AGMO: variants seen among roughly 807,000 people sequenced by gnomAD.
AGMO encodes the protein glyceryl-ether monooxygenase.
AGMO carries 75 observed loss-of-function variants against 60.2 expected under a neutral mutation model. The observed-to-expected ratio is 1.25, with a 90% CI of 1.03 to 1.51. AGMO has a LOEUF of 1.51. AGMO is among the 40% of genes most tolerant of loss of function. The pLI is 0.00. For missense variants in AGMO, 763 were observed against 525.5 expected, an observed-to-expected ratio of 1.45 and a Z score of -4.42; for synonymous variants, 261 against 177.1, an observed-to-expected ratio of 1.47 and a Z score of -3.76.
At chr7:15,411,637 A>C (rs1780612720) in intron 5 of AGMO, among the ~76,000 whole-genome samples, 1 of 152,068 alleles carries the variant, frequency 6.6e-6, no homozygotes, top group Non-Finnish European at 1.5e-5. Context: ...CCTTTACACA[A>C]AATAAATATT....
At chr7:15,381,387 G>C (rs967067226) in intron 10 of AGMO, among the ~76,000 whole-genome samples, 1 of 151,340 alleles carries the variant, frequency 6.6e-6, no homozygotes, top group Non-Finnish European at 1.5e-5. Flanking sequence ...CCTTTCAAAA[G>C]AAGACATACA....
chr7:15,234,551 T>C (rs138466076), intron 12 of AGMO, among the ~76,000 whole-genome samples: 1,615 of 152,314 alleles, frequency 0.011, 39 homozygotes, highest in African/African-American at 0.038. Flanking sequence ...GTTTTGTTTT[T>C]GTGTTTTTCT....
the AGMO span, among the ~76,000 whole-genome samples, chr7:15,156,504 G>C: frequency 6.6e-6 from 1 of 152,172 alleles, no homozygotes; most frequent in African/African-American, 2.4e-5. Flanking sequence ...ATGCAGGCTG[G>C]AGTTCTGTCT....
intron 3 of AGMO, among the ~76,000 whole-genome samples, chr7:15,523,185 G>C (rs1346687495): frequency 6.6e-6 from 1 of 151,568 alleles, no homozygotes; most frequent in Non-Finnish European, 1.5e-5. Flanking sequence ...TTAAAAAACA[G>C]ATGCTGGAGA....
chr7:15,412,842 A>G (rs1433188755), intron 5 of AGMO, among the ~76,000 whole-genome samples: 1 of 152,196 alleles, frequency 6.6e-6, no homozygotes, highest in Admixed American at 6.6e-5. Context: ...TAGTTAGCCA[A>G]TTATTTCACC....
intron 12 of AGMO, among the ~76,000 whole-genome samples, chr7:15,247,251 T>C (rs1782767844): frequency 6.6e-6 from 1 of 151,796 alleles, no homozygotes; most frequent in Non-Finnish European, 1.5e-5. Flanking sequence ...AAAATGCAAA[T>C]AATTATATGT....
At chr7:15,528,555 T>C (rs1784185872) in intron 3 of AGMO, among the ~76,000 whole-genome samples, 1 of 152,126 alleles carries the variant, frequency 6.6e-6, no homozygotes, top group Non-Finnish European at 1.5e-5. Flanking sequence ...AGTCTGAAAC[T>C]GACATCCAGT....
chr7:15,414,948 G>A (rs1232374633), intron 5 of AGMO, among the ~76,000 whole-genome samples: 1 of 151,948 alleles, frequency 6.6e-6, no homozygotes, highest in East Asian at 1.9e-4. Context: ...AAGAAATCTG[G>A]CATCTTGATT....
chr7:15,456,513 T>A (rs906317130), intron 3 of AGMO, among the ~76,000 whole-genome samples: 31 of 152,290 alleles, frequency 2.0e-4, no homozygotes, highest in Admixed American at 1.7e-3. Context: ...AGGTTACTTC[T>A]CTTGCCCTCA....
At chr7:15,281,209 G>A (rs1012282782) in intron 12 of AGMO, among the ~76,000 whole-genome samples, 1 of 152,050 alleles carries the variant, frequency 6.6e-6, no homozygotes, top group African/African-American at 2.4e-5. Context: ...GCTCAGCAAG[G>A]AAAGTCTGTA....
intron 5 of AGMO, among the ~76,000 whole-genome samples, chr7:15,407,008 CAT>C (rs1000426340): frequency 3.6e-5 from 5 of 138,636 alleles, no homozygotes; most frequent in Admixed American, 2.9e-4. Flanking sequence ...ATGGAATATA[CAT>C]ATATATGTGT....
chr7:15,447,068 T>C (rs553332898), intron 3 of AGMO, among the ~76,000 whole-genome samples: 3 of 152,232 alleles, frequency 2.0e-5, no homozygotes, highest in Non-Finnish European at 2.9e-5. Context: ...ATGAATATTG[T>C]AGCTGAAAGG....
At chr7:15,251,347 T>C (rs1057057103) in intron 12 of AGMO, among the ~76,000 whole-genome samples, 5 of 152,176 alleles carry the variant, frequency 3.3e-5, no homozygotes, top group Non-Finnish European at 7.3e-5. Flanking sequence ...AAGTAAAAAC[T>C]GTCCTGGGAA....
chr7:15,538,981 G>T (rs1438196223), intron 3 of AGMO, among the ~76,000 whole-genome samples: 1 of 152,088 alleles, frequency 6.6e-6, no homozygotes, highest in African/African-American at 2.4e-5. Flanking sequence ...GGATATTATG[G>T]ATTGCTTATT....
At chr7:15,425,614 AT>A (rs970058707) in intron 4 of AGMO, among the ~76,000 whole-genome samples, 3 of 151,668 alleles carry the variant, frequency 2.0e-5, no homozygotes, top group African/African-American at 7.3e-5. Context: ...AATTTATTTT[AT>A]TTTTTGTAGA....
intron 12 of AGMO, among the ~76,000 whole-genome samples, chr7:15,345,383 C>T (rs934308695): frequency 5.3e-5 from 8 of 152,166 alleles, no homozygotes; most frequent in African/African-American, 1.9e-4. Flanking sequence ...CTCCCTCATA[C>T]CCTTCAGTTG....
intron 12 of AGMO, among the ~76,000 whole-genome samples, chr7:15,362,026 G>C (rs924383914): frequency 6.6e-6 from 1 of 152,094 alleles, no homozygotes; most frequent in African/African-American, 2.4e-5. Context: ...AAAATGAAGA[G>C]AATATAGTGT....
intron 10 of AGMO, among the ~76,000 whole-genome samples, chr7:15,374,381 T>C (rs375444466): frequency 2.0e-5 from 3 of 152,094 alleles, no homozygotes; most frequent in South Asian, 2.1e-4. Context: ...TAAAAAAGTA[T>C]AATTAACATA....
chr7:15,295,443 T>C (rs923320780), intron 12 of AGMO, among the ~76,000 whole-genome samples: 1 of 152,050 alleles, frequency 6.6e-6, no homozygotes, highest in Non-Finnish European at 1.5e-5. Context: ...TGGTTTAATA[T>C]ATTAGAATAC....
Sources: allele counts gnomAD v4.1 joint callset (sites outside exome capture counted in the v4.1 genomes callset), GRCh38; gene constraint gnomAD v4.1.1; transcripts MANE v1.5; gene names NCBI Gene and HGNC (gene_info 2026-07-23, HGNC 2026-07-21).